NEGR1: variants seen among roughly 807,000 people sequenced by gnomAD.
NEGR1 encodes the protein neuronal growth regulator 1.
In NEGR1, 10 loss-of-function variants were observed where a neutral mutation model predicts 40.9. The ratio of observed to expected loss-of-function variants is 0.24; its 90% CI spans 0.15 to 0.42. The LOEUF is 0.42. NEGR1 is among the 10% of genes least tolerant of loss of function. NEGR1 has a pLI of 1.00. For missense variants in NEGR1, 352 were observed against 438.9 expected (o/e 0.80, Z 1.77); for synonymous variants, 185 against 166.8 (o/e 1.11, Z -0.84).
At chr1:71,556,330 G>A (rs1326954850) in intron 6 of NEGR1, among the ~76,000 whole-genome samples, 1 of 151,528 alleles carries the variant, frequency 6.6e-6, no homozygotes, top group African/African-American at 2.4e-5. Context: ...CTAGTTAAGA[G>A]ACTGGCCAGA....
intron 1 of NEGR1, among the ~76,000 whole-genome samples, chr1:72,091,580 C>G (rs1327619281): frequency 6.6e-6 from 1 of 152,012 alleles, no homozygotes; most frequent in Non-Finnish European, 1.5e-5. Flanking sequence ...AAGGCATGAT[C>G]ATACTATAGT....
chr1:72,042,662 G>T (rs1486089), intron 1 of NEGR1, among the ~76,000 whole-genome samples: 2 of 151,692 alleles, frequency 1.3e-5, no homozygotes, highest in African/African-American at 2.4e-5. Flanking sequence ...CAAGTCACTT[G>T]CCAATCCTCA....
intron 2 of NEGR1, among the ~76,000 whole-genome samples, chr1:71,810,208 CT>C (rs1269853370): frequency 2.0e-5 from 3 of 152,076 alleles, no homozygotes; most frequent in Admixed American, 6.6e-5. Flanking sequence ...TTTGGTTAAG[CT>C]TTCCTTTGTG....
chr1:71,822,182 A>G (rs1221083287), intron 2 of NEGR1, among the ~76,000 whole-genome samples: 2 of 151,990 alleles, frequency 1.3e-5, no homozygotes, highest in Non-Finnish European at 2.9e-5. Flanking sequence ...GAAGTGGCAC[A>G]GAAAGTAGCC....
At chr1:71,598,870 T>G (rs892896042) in intron 5 of NEGR1, among the ~76,000 whole-genome samples, 4 of 152,192 alleles carry the variant, frequency 2.6e-5, no homozygotes, top group African/African-American at 9.6e-5. Context: ...TAACATCATT[T>G]CAGCTTTAAG....
At chr1:72,044,098 T>C (rs1382542263) in intron 1 of NEGR1, among the ~76,000 whole-genome samples, 4 of 151,794 alleles carry the variant, frequency 2.6e-5, no homozygotes, top group East Asian at 3.9e-4. Flanking sequence ...GTTTCTATCA[T>C]TGAAGCCTCA....
At chr1:71,955,982 A>G (rs1165577851) in intron 1 of NEGR1, among the ~76,000 whole-genome samples, 1 of 151,720 alleles carries the variant, frequency 6.6e-6, no homozygotes, top group African/African-American at 2.4e-5. Context: ...TTTTGAAGAC[A>G]TCATTAATAT....
chr1:72,050,642 T>G (rs1249635010), intron 1 of NEGR1, among the ~76,000 whole-genome samples: 1 of 151,552 alleles, frequency 6.6e-6, no homozygotes, highest in African/African-American at 2.4e-5. Context: ...GTAGCCAGCC[T>G]TCAAAATAGT....
chr1:72,225,042 A>G (rs1368601618), intron 1 of NEGR1, among the ~76,000 whole-genome samples: 2 of 152,152 alleles, frequency 1.3e-5, no homozygotes, highest in East Asian at 1.9e-4. Context: ...GGGAGAACTG[A>G]TTGCAAATCT....
intron 6 of NEGR1, among the ~76,000 whole-genome samples, chr1:71,469,938 A>C (rs1451215644): frequency 1.3e-5 from 2 of 152,150 alleles, no homozygotes; most frequent in African/African-American, 2.4e-5. Context: ...GTTAACCAAA[A>C]TTACAAAATA....
rs901334316 is a variant in NEGR1, at chr1:71,786,132, GA to G, written c.410-9836del. On this transcript the variant is annotated intron_variant, in intron 2 of 6. Transcript: ENST00000357731. The stretch of plus-strand genomic sequence containing the variant: ...AGACAAATACATAAACATTAAGGAA[GA>G]AAAAAAAGTAGCATATTAGGTTGTA... Among the ~76,000 whole-genome samples, 7 of 151,746 alleles carry G rather than the reference GA, an allele frequency of 4.6e-5. No individual in the cohort carries two copies. The South Asian group carries it at 6.2e-4, about 14-fold the overall frequency.
Position 71,845,216 on chromosome 1 carries a change from GATAA to G in NEGR1, c.410-68923_410-68920del, listed in dbSNP as rs571386159. Among the ~76,000 whole-genome samples, 19 of 151,408 alleles carry G rather than the reference GATAA, an allele frequency of 1.3e-4. No homozygotes were observed. In the East Asian group the frequency reaches 3.5e-3, roughly 28 times the overall value. The stretch of plus-strand genomic sequence containing the variant: ...TAGCTTAATTTTTGTTTTTATTTTT[GATAA>G]ATAACTATAGAATTTTATATATCTA... On this transcript the variant is annotated intron_variant, in intron 2 of 6. Transcript: ENST00000357731.
At chr1:72,000,307 T>G (rs1197960597) in intron 1 of NEGR1, among the ~76,000 whole-genome samples, 1 of 152,102 alleles carries the variant, frequency 6.6e-6, no homozygotes, top group East Asian at 1.9e-4. Flanking sequence ...TATGATCACA[T>G]TTAATACTGT....
Position 71,493,421 on chromosome 1 carries a change from C to T in NEGR1, c.941-85851G>A, listed in dbSNP as rs550778050. 5.9e-5 allele frequency among the ~76,000 whole-genome samples: 9 copies of T among 152,208 alleles called. No individual in the cohort carries two copies. The South Asian group carries it at 1.7e-3, about 28-fold the overall frequency. ...GATTATTTTAATTGATAGAAAAATT[C>T]CCCTTGTTTTGGTAAGTCTACATCT... On this transcript the variant is annotated intron_variant, in intron 6 of 6. Coordinates refer to ENST00000357731, the MANE Select transcript of NEGR1 (RefSeq NM_173808.3).
intron 3 of NEGR1, among the ~76,000 whole-genome samples, chr1:71,714,054 TAA>T (rs577256517): frequency 6.6e-6 from 1 of 152,056 alleles, no homozygotes; most frequent in Non-Finnish European, 1.5e-5. Flanking sequence ...GGGTAATTTA[TAA>T]AGGAAAGAGG....
At chr1:71,683,127 G>A (rs1314928537) in intron 4 of NEGR1, among the ~76,000 whole-genome samples, 2 of 152,088 alleles carry the variant, frequency 1.3e-5, no homozygotes, top group Non-Finnish European at 2.9e-5. Context: ...GGTTTTCCGA[G>A]GAGAATTTTT....
intron 1 of NEGR1, among the ~76,000 whole-genome samples, chr1:71,972,096 T>C (rs370952125): frequency 6.6e-6 from 1 of 152,242 alleles, no homozygotes; most frequent in Non-Finnish European, 1.5e-5. Context: ...GGAGTAGTGA[T>C]AACACATAAT....
At chr1:71,979,248 C>G (rs1160142040) in intron 1 of NEGR1, among the ~76,000 whole-genome samples, 1 of 152,070 alleles carries the variant, frequency 6.6e-6, no homozygotes, top group African/African-American at 2.4e-5. Flanking sequence ...GAAAAAATAA[C>G]TATTGCGTAC....
At position 71,451,129 on chromosome 1, in the gene NEGR1, C is replaced by T. The variant is rs563897915; in HGVS notation, c.941-43559G>A. Among the ~76,000 whole-genome samples, 17 of 152,280 alleles carry T rather than the reference C, an allele frequency of 1.1e-4. No individual in the cohort carries two copies. The South Asian group carries it at 3.3e-3, about 30-fold the overall frequency. On this transcript the variant is annotated intron_variant, in intron 6 of 6. Coordinates refer to ENST00000357731, the MANE Select transcript of NEGR1 (RefSeq NM_173808.3). The stretch of plus-strand genomic sequence containing the variant: ...CATTTGGAAGATGCCCCTCCCCGTC[C>T]CAGAGTACTTGGGTGCTCCCTTAAG...
Sources: allele counts gnomAD v4.1 joint callset (sites outside exome capture counted in the v4.1 genomes callset), GRCh38; gene constraint gnomAD v4.1.1; transcripts MANE v1.5; gene names NCBI Gene and HGNC (gene_info 2026-07-23, HGNC 2026-07-21).